BTBD9: variants seen among roughly 807,000 people sequenced by gnomAD.
The protein encoded by BTBD9 is BTB domain containing 9.
A neutral mutation model predicts 64.3 loss-of-function variants in BTBD9; 49 were observed. That is an observed-to-expected ratio of 0.76 (90% CI 0.61 to 0.97). BTBD9 has a LOEUF of 0.97. BTBD9 is among the 50% of genes least tolerant of loss of function. The pLI is 0.00. For synonymous variants in BTBD9, 260 were observed against 274.7 expected, an observed-to-expected ratio of 0.95 and a Z score of 0.53; for missense variants, 598 against 762.1, an observed-to-expected ratio of 0.78 and a Z score of 2.53.
chr6:38,293,842 C>T (rs928521930), intron 7 of BTBD9, among the ~76,000 whole-genome samples: 4 of 152,074 alleles, frequency 2.6e-5, no homozygotes, highest in African/African-American at 9.7e-5. Context: ...AACTAAAGAG[C>T]TTCTGCACAG....
At chr6:38,614,401 C>T (rs892172154) in intron 1 of BTBD9, among the ~76,000 whole-genome samples, 1 of 152,186 alleles carries the variant, frequency 6.6e-6, no homozygotes, top group African/African-American at 2.4e-5. Flanking sequence ...CTCATCTTTA[C>T]ATCCCCAGCA....
intron 10 of BTBD9, among the ~76,000 whole-genome samples, chr6:38,185,145 C>G (rs190229674): frequency 4.8e-4 from 73 of 152,176 alleles, no homozygotes; most frequent in Middle Eastern, 6.8e-3. Context: ...TCACTCGATC[C>G]GTTTTACAGA....
chr6:38,499,518 A>C (rs1040876646), intron 6 of BTBD9, among the ~76,000 whole-genome samples: 2 of 152,214 alleles, frequency 1.3e-5, no homozygotes, highest in African/African-American at 4.8e-5. Flanking sequence ...TATAATGGTA[A>C]AACTTCTGTT....
intron 6 of BTBD9, among the ~76,000 whole-genome samples, chr6:38,464,598 C>T (rs555386063): frequency 1.2e-3 from 179 of 152,216 alleles, no homozygotes; most frequent in Non-Finnish European, 1.4e-3. Context: ...TGGGCTCAAG[C>T]GATTCTCCTG....
chr6:38,326,006 G>T (rs1234668443), intron 7 of BTBD9, among the ~76,000 whole-genome samples: 1 of 151,990 alleles, frequency 6.6e-6, no homozygotes, highest in African/African-American at 2.4e-5. Flanking sequence ...TAAGTGCTCT[G>T]AAAGAAAAAA....
intron 10 of BTBD9, among the ~76,000 whole-genome samples, chr6:38,175,889 C>A (rs1474757700): frequency 6.6e-6 from 1 of 152,248 alleles, no homozygotes; most frequent in Non-Finnish European, 1.5e-5. Flanking sequence ...GTGGCTCCAG[C>A]CAGCCTGGAA....
chr6:38,386,630 CTTTTTTTTTTT>C (rs11423572), intron 6 of BTBD9, among the ~76,000 whole-genome samples: 209 of 92,772 alleles, frequency 2.3e-3, no homozygotes, highest in African/African-American at 4.8e-3. Flanking sequence ...CCAGTTTACT[CTTTTTTTTTTT>C]TTTTTTTTTT....
At chr6:38,374,306 T>TAC (rs1491240635) in intron 6 of BTBD9, among the ~76,000 whole-genome samples, 9 of 84,648 alleles carry the variant, frequency 1.1e-4, no homozygotes, top group African/African-American at 1.7e-4. Context: ...TGTATATATA[T>TAC]GTATATATAT....
At chr6:38,485,468 C>T (rs1451394721) in intron 6 of BTBD9, among the ~76,000 whole-genome samples, 1 of 152,156 alleles carries the variant, frequency 6.6e-6, no homozygotes, top group Non-Finnish European at 1.5e-5. Flanking sequence ...ATTCCTTGAT[C>T]CACGGGCTGC....
intron 8 of BTBD9, among the ~76,000 whole-genome samples, chr6:38,277,752 G>T (rs548181714): frequency 3.3e-5 from 5 of 152,136 alleles, no homozygotes; most frequent in Non-Finnish European, 1.5e-5. Flanking sequence ...AAGGGAAAAA[G>T]CCCCCACTGA....
In BTBD9 at chr6:38,410,876, T is replaced by A. The variant is rs573682107; in HGVS notation, c.1155-65783A>T. 7.9e-5 allele frequency among the ~76,000 whole-genome samples: 12 copies of A among 152,092 alleles called. No homozygotes were observed. The South Asian group carries it at 2.5e-3, about 32-fold the overall frequency. On this transcript the variant is annotated intron_variant, in intron 6 of 10. Coordinates refer to ENST00000481247, the MANE Select transcript of BTBD9 (RefSeq NM_001099272.2). ...GACCCTGTCTCTATAAAAAATAATTTAAAAAAACAAGAAAATATCATGTCA... is the reference window on the plus strand; with the variant it reads ...GACCCTGTCTCTATAAAAAATAATTAAAAAAAACAAGAAAATATCATGTCA...
chr6:38,403,030 A>G, intron 6 of BTBD9: 1 of 396,286 alleles, frequency 2.5e-6, no homozygotes, highest in Non-Finnish European at 4.4e-6. Flanking sequence ...CTATCATTGC[A>G]CTCCAGCCTG....
chr6:38,432,353 C>G (rs993956917), intron 6 of BTBD9, among the ~76,000 whole-genome samples: 1 of 152,004 alleles, frequency 6.6e-6, no homozygotes, highest in African/African-American at 2.4e-5. Context: ...TGACTGTCCT[C>G]ACTCATTCCT....
At chr6:38,561,329 G>A (rs1225640550) in intron 6 of BTBD9, among the ~76,000 whole-genome samples, 1 of 95,392 alleles carries the variant, frequency 1.0e-5, no homozygotes, top group African/African-American at 3.2e-5. Context: ...GAAAAACAGG[G>A]AAGGATTATA....
At chr6:38,176,691 A>G (rs1310016840) in intron 10 of BTBD9, among the ~76,000 whole-genome samples, 1 of 151,940 alleles carries the variant, frequency 6.6e-6, no homozygotes, top group Non-Finnish European at 1.5e-5. Flanking sequence ...AGATCTGAAC[A>G]CTATTTGGGC....
At chr6:38,201,905 C>T (rs186277965) in intron 9 of BTBD9, among the ~76,000 whole-genome samples, 17 of 152,038 alleles carry the variant, frequency 1.1e-4, no homozygotes, top group Non-Finnish European at 1.8e-4. Context: ...ATCTCTACAA[C>T]GAAAACCACA....
At chr6:38,523,816 G>A (rs949358819) in intron 6 of BTBD9, among the ~76,000 whole-genome samples, 2 of 152,142 alleles carry the variant, frequency 1.3e-5, no homozygotes, top group Non-Finnish European at 2.9e-5. Context: ...AACAGATGGG[G>A]AAACAGAGGC....
At chr6:38,344,446 T>C (rs1764207099) in intron 7 of BTBD9, among the ~76,000 whole-genome samples, 1 of 152,200 alleles carries the variant, frequency 6.6e-6, no homozygotes, top group South Asian at 2.1e-4. Context: ...AAAGTGACAA[T>C]TCAGTCACTT....
intron 9 of BTBD9, among the ~76,000 whole-genome samples, chr6:38,198,427 G>A (rs1762341789): frequency 6.6e-6 from 1 of 152,184 alleles, no homozygotes; most frequent in African/African-American, 2.4e-5. Context: ...GAGTGGCTCT[G>A]GATGATAAGG....
Sources: allele counts gnomAD v4.1 joint callset (sites outside exome capture counted in the v4.1 genomes callset), GRCh38; gene constraint gnomAD v4.1.1; transcripts MANE v1.5; gene names NCBI Gene and HGNC (gene_info 2026-07-23, HGNC 2026-07-21).